C13orf46: variants seen among roughly 807,000 people sequenced by gnomAD.
C13orf46 encodes chromosome 13 open reading frame 46.
intron 6 of C13orf46, among the ~76,000 whole-genome samples, chr13:113,961,327 T>C (rs954719625): frequency 0.13 from 19,182 of 151,940 alleles, 1,687 homozygotes; most frequent in Middle Eastern, 0.2. Context: ...ATTTTGATAA[T>C]GTCCAATTGT....
rs890675339 is a variant in C13orf46 at position 113,955,141 on chromosome 13, G to A, written c.*1632C>T. The A allele has an allele frequency of 1.6e-4, 36 of 227,272 alleles. No individual in the cohort carries two copies. The highest frequency in any genetic ancestry group is 7.2e-4 in the East Asian group (4 of 5,544). 14.1% of individuals were successfully genotyped at this position (227,272 alleles called of 1,614,324 possible). A position where few individuals can be genotyped will look rare whatever the true frequency, so the allele number is the denominator to read the frequency against. On this transcript the variant is annotated 3_prime_UTR_variant, in exon 7 of 7. Transcript: ENST00000636427. ...CAGCTGGTGGAGACGAGGAGCATCC[G>A]GTGGAGATGAGGAGCATCTCGAGGA...
At chr13:113,973,292 A>G (rs2052727960) in intron 1 of C13orf46, among the ~76,000 whole-genome samples, 1 of 152,166 alleles carries the variant, frequency 6.6e-6, no homozygotes, top group Non-Finnish European at 1.5e-5. Context: ...TGGACAGCTG[A>G]CCGTCAACAG....
chr13:113,969,051 C>G (rs1594253735), intron 2 of C13orf46, among the ~76,000 whole-genome samples: 1 of 152,262 alleles, frequency 6.6e-6, no homozygotes, highest in Non-Finnish European at 1.5e-5. Flanking sequence ...CAGGGTCTAA[C>G]CTTGCTCAAA....
chr13:113,945,683 C>A, the C13orf46 span, among the ~76,000 whole-genome samples: 474 of 93,042 alleles, frequency 5.1e-3, 8 homozygotes, highest in African/African-American at 0.014. Context: ...GAAAGAAAAA[C>A]AAACCAAGTC....
At chr13:113,962,500 G>A (rs2052595267) in intron 6 of C13orf46, among the ~76,000 whole-genome samples, 2 of 152,370 alleles carry the variant, frequency 1.3e-5, no homozygotes, top group South Asian at 4.1e-4. Context: ...AGCCACGGCT[G>A]AGGACTCTCG....
rs1421612815 is a variant in C13orf46, at chr13:113,955,010, T to TCTGGCAGAGAGGAGGAAG, written c.*1762_*1763insCTTCCTCCTCTCTGCCAG. The TCTGGCAGAGAGGAGGAAG allele has an allele frequency of 1.6e-5, 1 of 61,918 alleles. No homozygotes were observed. The highest frequency in any genetic ancestry group is 4.3e-5 in the African/African-American group (1 of 23,390). 3.8% of individuals were successfully genotyped at this position (61,918 alleles called of 1,614,324 possible). A position where few individuals can be genotyped will look rare whatever the true frequency, so the allele number is the denominator to read the frequency against. On this transcript the variant is annotated 3_prime_UTR_variant, in exon 7 of 7. Transcript: ENST00000636427. ...AGGAGGATCTGGCAGAGAGGAGGAG[T>TCTGGCAGAGAGGAGGAAG]AGGATCTGGCGGAGAGGAGGAGTAG...
At chr13:113,965,341 G>T (rs2052625199) in intron 5 of C13orf46, among the ~76,000 whole-genome samples, 1 of 152,192 alleles carries the variant, frequency 6.6e-6, no homozygotes. Flanking sequence ...GGGAGAGAAG[G>T]TACAGTCTGG....
At chr13:113,937,249 G>A in the C13orf46 span, among the ~76,000 whole-genome samples, 1 of 152,168 alleles carries the variant, frequency 6.6e-6, no homozygotes, top group Non-Finnish European at 1.5e-5. Flanking sequence ...GAGGCTACAG[G>A]ACTCTCCTCC....
rs1275697627 is a variant in C13orf46, at chr13:113,955,711, G to T, written c.*1062C>A. The T allele has an allele frequency of 7.8e-3, 1,226 of 156,182 alleles. 58 individuals are homozygous for T. The highest frequency in any genetic ancestry group is 0.03 in the African/African-American group (1,148 of 38,712). The allele number at this position is 156,182 out of a possible 1,614,324, so 9.7% of individuals were successfully genotyped here. ...AGGAGTAGTGTCTGGCGGAGAGGAG[G>T]AGTAGTGTCTGGCAGAGACGAGGAG... is the stretch of plus-strand genomic sequence containing the variant. On this transcript the variant is annotated 3_prime_UTR_variant, in exon 7 of 7. Coordinates refer to ENST00000636427, the MANE Select transcript of C13orf46 (RefSeq NM_001365455.2).
At chr13:113,945,453 G>A in the C13orf46 span, among the ~76,000 whole-genome samples, 1 of 151,856 alleles carries the variant, frequency 6.6e-6, no homozygotes, top group Non-Finnish European at 1.5e-5. Context: ...GCTGAGGCAG[G>A]AGAATGGCGT....
chr13:113,939,955 A>T, the C13orf46 span, among the ~76,000 whole-genome samples: 1 of 152,210 alleles, frequency 6.6e-6, no homozygotes, highest in Non-Finnish European at 1.5e-5. Context: ...CGCTGGCCTC[A>T]TCTGAGCCAG....
the C13orf46 span, among the ~76,000 whole-genome samples, chr13:113,946,761 G>A: frequency 2.6e-5 from 4 of 152,276 alleles, no homozygotes; most frequent in African/African-American, 7.2e-5. Context: ...TGGAACAGTA[G>A]AGGGGTCCGA....
intron 6 of C13orf46, among the ~76,000 whole-genome samples, chr13:113,963,853 GTTGT>G (rs1200149198): frequency 1.6e-4 from 24 of 152,288 alleles, no homozygotes; most frequent in African/African-American, 3.1e-4. Flanking sequence ...TAATGTAACT[GTTGT>G]TTGTTTGTTT....
intron 6 of C13orf46, among the ~76,000 whole-genome samples, chr13:113,957,743 G>T (rs1477349786): frequency 8.5e-5 from 10 of 118,088 alleles, no homozygotes; most frequent in Admixed American, 5.6e-4. Flanking sequence ...CACTCTGCCT[G>T]TACCCCCTTT....
intron 6 of C13orf46, among the ~76,000 whole-genome samples, chr13:113,964,007 C>T (rs927437456): frequency 3.9e-5 from 6 of 152,114 alleles, no homozygotes; most frequent in African/African-American, 4.8e-5. Context: ...CCTGTCACCA[C>T]GCCCAGCTAA....
the C13orf46 span, among the ~76,000 whole-genome samples, chr13:113,934,901 C>T: frequency 5.3e-5 from 8 of 152,362 alleles, no homozygotes; most frequent in South Asian, 2.1e-4. Flanking sequence ...AAGTTCTAAA[C>T]GGGCTCTGGG....
At chr13:113,957,503 C>T (rs1257810198) in intron 6 of C13orf46, among the ~76,000 whole-genome samples, 30 of 120,586 alleles carry the variant, frequency 2.5e-4, no homozygotes, top group Admixed American at 4.3e-4. Flanking sequence ...ACTCCACATG[C>T]ACCCCCTTTC....
At position 113,958,658 on chromosome 13, in the gene C13orf46, C is replaced by T. The variant is rs930136961; in HGVS notation, c.573-1819G>A. The stretch of plus-strand genomic sequence containing the variant: ...GGGCAATGGACAGACGGCTCGCGGG[C>T]GACAGCCTCAGTGCACAGTCCTCAC... On this transcript the variant is annotated intron_variant, in intron 6 of 6. Coordinates refer to ENST00000636427, the MANE Select transcript of C13orf46 (RefSeq NM_001365455.2). Among the ~76,000 whole-genome samples the T allele has an allele frequency of 9.2e-5, 14 of 152,360 alleles. No homozygotes were observed. The South Asian group carries it at 1.9e-3, about 20-fold the overall frequency.
chr13:113,966,362 TTAA>T (rs1470185057), intron 5 of C13orf46, among the ~76,000 whole-genome samples: 8 of 140,668 alleles, frequency 5.7e-5, no homozygotes, highest in Non-Finnish European at 9.4e-5. Context: ...GGTGATGATA[TTAA>T]TGATGGTGAT....
Sources: allele counts gnomAD v4.1 joint callset (sites outside exome capture counted in the v4.1 genomes callset), GRCh38; gene constraint gnomAD v4.1.1; transcripts MANE v1.5; gene names NCBI Gene and HGNC (gene_info 2026-07-23, HGNC 2026-07-21).